SNAI2: variants seen among roughly 807,000 people sequenced by gnomAD.
The protein encoded by SNAI2 is zinc finger protein SNAI2.
SNAI2 carries 2 observed loss-of-function variants against 22.4 expected under a neutral mutation model. The ratio of observed to expected loss-of-function variants is 0.09; its 90% CI spans 0.04 to 0.28. The LOEUF (loss-of-function observed/expected upper bound fraction) is 0.28. SNAI2 is among the 10% of genes least tolerant of loss of function. SNAI2 has a pLI of 1.00. For missense variants in SNAI2, 239 were observed against 320.8 expected (o/e 0.75, Z 1.95); for synonymous variants, 134 against 123.0 (o/e 1.09, Z -0.59).
chr8:48,918,679 A>G lies in SNAI2; in HGVS notation c.*128T>C, dbSNP rs1806114946. On this transcript the variant is annotated 3_prime_UTR_variant, in exon 3 of 3. Coordinates refer to ENST00000020945, the MANE Select transcript of SNAI2 (RefSeq NM_003068.5). ...TGTGGGTGTGTGTGTGTGTGTGTGCATATGTGTGTGTGTCTATACATATTA... is the reference window on the plus strand; with the variant it reads ...TGTGGGTGTGTGTGTGTGTGTGTGCGTATGTGTGTGTGTCTATACATATTA... 3.8e-6 allele frequency: 3 copies of G among 789,206 alleles called. No individual in the cohort carries two copies. The highest frequency in any genetic ancestry group is 6.6e-6 in the Non-Finnish European group (3 of 454,286). The allele number at this position is 789,206 out of a possible 1,614,324, so 48.9% of individuals were successfully genotyped here. A position where few individuals can be genotyped will look rare whatever the true frequency, so the allele number is the denominator to read the frequency against.
chr8:48,921,214 T>C lies in SNAI2; in HGVS notation c.52A>G (p.Asn18Asp), dbSNP rs1806156970. The change falls in exon 1 of 3, where the codon AAC becomes GAC. Residue 18 changes from asparagine (N) to aspartate (D), a missense_variant. Physicochemically the swap from Asn to Asp is conservative, Grantham distance 23 (BLOSUM62 1). Around this residue, in one of 3 missense-constraint regions of SNAI2, gnomAD observed 183 missense variants for 190.4 expected, o/e 0.96. Coordinates refer to ENST00000020945, the MANE Select transcript of SNAI2 (RefSeq NM_003068.5). Reference sequence around the variant, plus strand: ...GTATGTGTGTCCAGTTCGCTGTAGTTTGGCTTTTTGGAGGCGTTGAAATGC... The same window carrying C: ...GTATGTGTGTCCAGTTCGCTGTAGTCTGGCTTTTTGGAGGCGTTGAAATGC... ...KKHFNASKKP[N>D]YSELDTHTVI... 4 of 1,613,882 alleles carry C rather than the reference T, an allele frequency of 2.5e-6. No homozygotes were observed. Among genetic ancestry groups the C allele is most frequent in the Non-Finnish European group, 8.5e-7 (1 of 1,179,962 alleles).
In SNAI2 at chr8:48,920,541, C is replaced by T. The variant is rs1257832426; in HGVS notation, c.80-100G>A. On this transcript the variant is annotated intron_variant, in intron 1 of 2. Transcript: ENST00000020945. ...CACTGGAAAGATATTTAGCAACACACACGTGATTTTCTTAGGAAGAAGATA... is the reference window on the plus strand; with the variant it reads ...CACTGGAAAGATATTTAGCAACACATACGTGATTTTCTTAGGAAGAAGATA... The T allele has an allele frequency of 2.7e-6, 3 of 1,097,378 alleles. No homozygotes were observed. In the African/African-American group the frequency reaches 4.6e-5, roughly 17 times the overall value. 68.0% of individuals were successfully genotyped at this position (1,097,378 alleles called of 1,614,324 possible).
In SNAI2 at chr8:48,920,200, A is replaced by G; in HGVS notation, c.321T>C (p.Ser107=). 1 of 1,614,124 alleles carries G rather than the reference A, an allele frequency of 6.2e-7. No homozygotes were observed. Among genetic ancestry groups the G allele is most frequent in the Non-Finnish European group, 8.5e-7 (1 of 1,180,030 alleles). Residue 107 remains serine, a synonymous_variant, in exon 2 of 3, where the codon AGT becomes AGC. Coordinates refer to ENST00000020945, the MANE Select transcript of SNAI2 (RefSeq NM_003068.5). ...KDHSGSESPI[S]DEEERLQSKL... ...TGGACTGTAGTCTTTCCTCTTCATC[A>G]CTAATGGGGCTTTCTGAGCCACTGT...
chr8:48,921,291 C>G lies in SNAI2; in HGVS notation c.-26G>C, dbSNP rs776990198. ...CTTGCCAGCGGGTCTGGCGGGCGCC[C>G]GGCGCGGATAACGGTCCGGCGGGAG... On this transcript the variant is annotated 5_prime_UTR_variant, in exon 1 of 3. Transcript: ENST00000020945. 5 of 1,598,564 alleles carry G rather than the reference C, an allele frequency of 3.1e-6. No homozygotes were observed. The South Asian group carries it at 5.5e-5, about 18-fold the overall frequency.
Position 48,920,008 on chromosome 8 carries a change from C to T in SNAI2, c.513G>A (p.Leu171=). 1 of 1,614,216 alleles carries T rather than the reference C, an allele frequency of 6.2e-7. No homozygotes were observed. The highest frequency in any genetic ancestry group is 8.5e-7 in the Non-Finnish European group (1 of 1,180,038). ...TCCGAATATGCATCTTCAGGGCGCC[C>T]AGGCTCACATATTCCTTGTCACAGT... is the stretch of plus-strand genomic sequence containing the variant. ...CKYCDKEYVS[L]GALKMHIRTH... Residue 171 remains leucine, a synonymous_variant, in exon 2 of 3, where the codon CTG becomes CTA. Transcript: ENST00000020945.
Position 48,920,073 on chromosome 8 carries a change from G to T in SNAI2, c.448C>A (p.His150Asn). The stretch of plus-strand genomic sequence containing the variant: ...GATTTTCTAGACTGGGCATCGCAGT[G>T]CAGCTGCTTATGTTTGGCCAGCCCA... ...FSGLAKHKQLHCDAQSRKSFS... is the reference protein window; with the variant it reads ...FSGLAKHKQLNCDAQSRKSFS... The change falls in exon 2 of 3, where the codon CAC becomes AAC. Residue 150 changes from histidine (H) to asparagine (N), a missense_variant. His to Asn is a moderately conservative substitution (Grantham distance 68). This residue lies in a region of SNAI2 where 183 missense variants were observed against 190.4 expected (regional missense o/e 0.96). Transcript: ENST00000020945. 1 of 1,614,214 alleles carries T rather than the reference G, an allele frequency of 6.2e-7. No individual in the cohort carries two copies. Among genetic ancestry groups the T allele is most frequent in the South Asian group, 1.1e-5 (1 of 91,082 alleles).
In SNAI2 at chr8:48,919,915, T is replaced by C. The variant is rs370952195; in HGVS notation, c.606A>G (p.Gly202=). ...KAFSRPWLLQ[G]HIRTHTGEKP... Reference sequence around the variant, plus strand: ...TCTTACCCGTGTGAGTTCTAATGTGTCCTTGAAGCAACCAGGGTCTGGAAA... The same window carrying C: ...TCTTACCCGTGTGAGTTCTAATGTGCCCTTGAAGCAACCAGGGTCTGGAAA... Residue 202 remains glycine, a synonymous_variant, in exon 2 of 3, where the codon GGA becomes GGG. Coordinates refer to ENST00000020945, the MANE Select transcript of SNAI2 (RefSeq NM_003068.5). 114 of 1,613,962 alleles carry C rather than the reference T, an allele frequency of 7.1e-5. 1 individual carries two copies. In the Admixed American group the frequency reaches 1.9e-3, roughly 27 times the overall value.
intron 2 of SNAI2, 98 bp from the exon 3 acceptor site, chr8:48,919,086 A>C: frequency 8.4e-7 from 1 of 1,187,366 alleles, no homozygotes; most frequent in South Asian, 1.3e-5. Context: ...CATTTTGCTT[A>C]AATAATGAGA....
rs138030819 is a variant in SNAI2 at position 48,918,600 on chromosome 8, A to G, written c.*207T>C. On this transcript the variant is annotated 3_prime_UTR_variant, in exon 3 of 3. Transcript: ENST00000020945. ...AATATATAGTAATTTTAAACTTCAC[A>G]TGGAAAGGATTATCTTTAAACACAT... 31 of 564,944 alleles carry G rather than the reference A, an allele frequency of 5.5e-5. No homozygotes were observed. The highest frequency in any genetic ancestry group is 5.2e-4 in the African/African-American group (28 of 53,366). 35.0% of individuals were successfully genotyped at this position (564,944 alleles called of 1,614,324 possible).
chr8:48,919,744 TGC>T, intron 2 of SNAI2, 150 bp downstream of exon 2: 1 of 811,708 alleles, frequency 1.2e-6, no homozygotes, highest in Non-Finnish European at 2.1e-6. Flanking sequence ...GAGCACTTTG[TGC>T]CCTAACAACT....
Position 48,921,396 on chromosome 8 carries a change from G to A in SNAI2, c.-131C>T, listed in dbSNP as rs911867882. 1.3e-6 allele frequency: 1 copy of A among 750,450 alleles called. No individual in the cohort carries two copies. The highest frequency in any genetic ancestry group is 2.5e-5 in the East Asian group (1 of 40,148). The allele number at this position is 750,450 out of a possible 1,614,324, so 46.5% of individuals were successfully genotyped here. A position where few individuals can be genotyped will look rare whatever the true frequency, so the allele number is the denominator to read the frequency against. On this transcript the variant is annotated 5_prime_UTR_variant, in exon 1 of 3. Coordinates refer to ENST00000020945, the MANE Select transcript of SNAI2 (RefSeq NM_003068.5). ...TCAGGTGCGGCAGACGGACGGGCCG[G>A]CGCCTCTGAAGTCACCCGGCTCCTT...
chr8:48,921,358 G>A lies in SNAI2; in HGVS notation c.-93C>T. 1 of 989,988 alleles carries A rather than the reference G, an allele frequency of 1.0e-6. No homozygotes were observed. The allele number at this position is 989,988 out of a possible 1,614,324, so 61.3% of individuals were successfully genotyped here. ...CAGCATCGCGGCGGGCCAGGCTCGG[G>A]CAGGGGCCGTGCTCAGGTGCGGCAG... On this transcript the variant is annotated 5_prime_UTR_variant, in exon 1 of 3. Coordinates refer to ENST00000020945, the MANE Select transcript of SNAI2 (RefSeq NM_003068.5).
In SNAI2 at chr8:48,918,377, G is replaced by T. The variant is rs541711087; in HGVS notation, c.*430C>A. The T allele has an allele frequency of 1.2e-4, 19 of 164,510 alleles. No individual in the cohort carries two copies. The South Asian group carries it at 3.1e-3, about 27-fold the overall frequency. 10.2% of individuals were successfully genotyped at this position (164,510 alleles called of 1,614,324 possible). A position where few individuals can be genotyped will look rare whatever the true frequency, so the allele number is the denominator to read the frequency against. On this transcript the variant is annotated 3_prime_UTR_variant, in exon 3 of 3. Transcript: ENST00000020945. ...AATACTTTTTAAGGCACCTGAGTTC[G>T]CGTCTGGCAGATCTCTTCCTATGGG...
At position 48,920,256 on chromosome 8, in the gene SNAI2, G is replaced by T. The variant is rs1487949599; in HGVS notation, c.265C>A (p.Pro89Thr). The change falls in exon 2 of 3, where the codon CCT (proline) becomes ACT (threonine). Residue 89 changes from proline (P) to threonine (T), a missense_variant. Physicochemically the swap from Pro to Thr is conservative, Grantham distance 38. Around this residue, in one of 3 missense-constraint regions of SNAI2, gnomAD observed 183 missense variants for 190.4 expected, o/e 0.96. Transcript: ENST00000020945. ...YSSSLGRVSPPPPSDTSSKDH... is the reference protein window; with the variant it reads ...YSSSLGRVSPTPPSDTSSKDH... ...TTGGAGGAGGTGTCAGATGGAGGAG[G>T]GGGACTCACTCGCCCCAAAGATGAG... 6.2e-7 allele frequency: 1 copy of T among 1,614,044 alleles called. No homozygotes were observed. The highest frequency in any genetic ancestry group is 1.7e-5 in the Admixed American group (1 of 60,014).
chr8:48,920,159 T>G lies in SNAI2; in HGVS notation c.362A>C (p.His121Pro). ...ERLQSKLSDP[H>P]AIEAEKFQCN... Reference sequence around the variant, plus strand: ...CTGAAACTTTTCAGCTTCAATGGCATGGGGGTCTGAAAGCTTGGACTGTAG... The same window carrying G: ...CTGAAACTTTTCAGCTTCAATGGCAGGGGGGTCTGAAAGCTTGGACTGTAG... Residue 121 changes from histidine (H) to proline (P), a missense_variant, in exon 2 of 3, where the codon CAT becomes CCT. By Grantham distance (77) the His-to-Pro change is moderately conservative. Transcript: ENST00000020945. The G allele has an allele frequency of 6.2e-7, 1 of 1,614,200 alleles. No individual in the cohort carries two copies. Among genetic ancestry groups the G allele is most frequent in the Non-Finnish European group, 8.5e-7 (1 of 1,180,030 alleles).
chr8:48,920,316 G>C lies in SNAI2; in HGVS notation c.205C>G (p.Leu69Val). ...GAAAGAGGAGAGAGGCCATTGGGTA[G>C]CTGGGCGTGGAATGGAGCAGCGGTA... ...WTTAAPFHAQLPNGLSPLSGY... is the reference protein window; with the variant it reads ...WTTAAPFHAQVPNGLSPLSGY... The change falls in exon 2 of 3, where the codon CTA becomes GTA. Residue 69 changes from leucine (L) to valine (V), a missense_variant. This residue lies in a region of SNAI2 where 183 missense variants were observed against 190.4 expected (regional missense o/e 0.96). Coordinates refer to ENST00000020945, the MANE Select transcript of SNAI2 (RefSeq NM_003068.5). The C allele has an allele frequency of 6.2e-7, 1 of 1,611,916 alleles. No individual in the cohort carries two copies. The highest frequency in any genetic ancestry group is 8.5e-7 in the Non-Finnish European group (1 of 1,178,358).
chr8:48,920,158 A>G lies in SNAI2; in HGVS notation c.363T>C (p.His121=). Residue 121 remains histidine, a synonymous_variant, in exon 2 of 3, where the codon CAT becomes CAC. Coordinates refer to ENST00000020945, the MANE Select transcript of SNAI2 (RefSeq NM_003068.5). ...ACTGAAACTTTTCAGCTTCAATGGC[A>G]TGGGGGTCTGAAAGCTTGGACTGTA... ...ERLQSKLSDP[H]AIEAEKFQCN... The G allele has an allele frequency of 6.2e-7, 1 of 1,614,178 alleles. No homozygotes were observed. The highest frequency in any genetic ancestry group is 1.1e-5 in the South Asian group (1 of 91,082).
At chr8:48,919,812 T>C (rs1806134671) in intron 2 of SNAI2, 84 bp downstream of exon 2, 1 of 1,409,222 alleles carries the variant, frequency 7.1e-7, no homozygotes, top group African/African-American at 1.4e-5. Context: ...AAGCACTATG[T>C]CACAACTTCA....
At position 48,921,303 on chromosome 8, in the gene SNAI2, C is replaced by A. The variant is rs754674603; in HGVS notation, c.-38G>T. 1.3e-6 allele frequency: 2 copies of A among 1,536,816 alleles called. No homozygotes were observed. Among genetic ancestry groups the A allele is most frequent in the Admixed American group, 3.3e-5 (2 of 59,908 alleles). On this transcript the variant is annotated 5_prime_UTR_variant, in exon 1 of 3. Transcript: ENST00000020945. ...TCTGGCGGGCGCCCGGCGCGGATAA[C>A]GGTCCGGCGGGAGGACACGGCGGTC... is the stretch of plus-strand genomic sequence containing the variant.
Sources: allele counts gnomAD v4.1 joint callset, GRCh38; gene constraint gnomAD v4.1.1; regional missense constraint gnomAD v4.1.1; transcripts MANE v1.5; gene names NCBI Gene and HGNC (gene_info 2026-07-23, HGNC 2026-07-21).